RHOBTB2: variants seen among roughly 807,000 people sequenced by gnomAD.
RHOBTB2 encodes the protein Rho related BTB domain containing 2.
A neutral mutation model predicts 66.5 loss-of-function variants in RHOBTB2; 39 were observed. The ratio of observed to expected loss-of-function variants is 0.59; its 90% CI spans 0.45 to 0.77. The LOEUF (loss-of-function observed/expected upper bound fraction) is 0.77, where lower values mean the gene tolerates loss of function less well. Among genes scored for constraint, RHOBTB2 ranks in the 30% least tolerant of loss-of-function variants. The pLI is 0.00. For synonymous variants in RHOBTB2, 390 were observed against 395.0 expected, an observed-to-expected ratio of 0.99 and a Z score of 0.15; for missense variants, 755 against 999.1, an observed-to-expected ratio of 0.76 and a Z score of 3.29.
intron 1 of RHOBTB2, among the ~76,000 whole-genome samples, chr8:23,000,573 T>A (rs1290122226): frequency 1.3e-5 from 2 of 152,182 alleles, no homozygotes; most frequent in Non-Finnish European, 2.9e-5. Flanking sequence ...TGGCGGTGTT[T>A]GGTGATGTGT....
At chr8:22,977,791 T>C in the RHOBTB2 span, 5 of 152,062 alleles carry the variant, frequency 3.3e-5, no homozygotes, top group Admixed American at 1.3e-4. Context: ...CTAGATAATA[T>C]TGGGGAATTT....
intron 6 of RHOBTB2, 121 bp from the exon 7 acceptor site, chr8:23,010,417 G>C (rs1429659900): frequency 1.1e-5 from 13 of 1,131,208 alleles, no homozygotes; most frequent in Non-Finnish European, 1.5e-5. Flanking sequence ...GCAGCACAGG[G>C]AAGGCTGCCC....
the RHOBTB2 span, among the ~76,000 whole-genome samples, chr8:22,975,142 G>A: frequency 0.084 from 12,716 of 151,850 alleles, 1,778 homozygotes; most frequent in African/African-American, 0.29. Context: ...TCCCCCTGGC[G>A]CATCACATGT....
At position 23,007,265 on chromosome 8, in the gene RHOBTB2, C is replaced by G; in HGVS notation, c.1020C>G (p.Leu340=). The change falls in exon 5 of 10, where the codon CTC becomes CTG. Residue 340 remains leucine (L), a synonymous_variant. Transcript: ENST00000251822. ...HHHHHGRDFL[L]RAASFDVCES... ...ACCACCATGGGCGAGACTTCCTGCT[C>G]CGAGCAGCCAGCTTTGACGTGTGCG... 1 of 1,613,052 alleles carries G rather than the reference C, an allele frequency of 6.2e-7. No homozygotes were observed. Among genetic ancestry groups the G allele is most frequent in the Non-Finnish European group, 8.5e-7 (1 of 1,179,968 alleles).
the RHOBTB2 span, among the ~76,000 whole-genome samples, chr8:22,969,438 A>C: frequency 1.3e-5 from 2 of 152,234 alleles, no homozygotes; most frequent in Non-Finnish European, 2.9e-5. Context: ...ATAAACCAAT[A>C]AGAACAAAAG....
At chr8:22,967,361 C>T in the RHOBTB2 span, among the ~76,000 whole-genome samples, 2 of 152,044 alleles carry the variant, frequency 1.3e-5, no homozygotes. Context: ...GTAATCCCAG[C>T]ACTTTGGGAG....
In RHOBTB2 at chr8:23,004,053, C is replaced by T. The variant is rs1810868346; in HGVS notation, c.-10-372C>T. The T allele has an allele frequency of 3.1e-6, 1 of 322,054 alleles. No individual in the cohort carries two copies. The highest frequency in any genetic ancestry group is 2.9e-5 in the South Asian group (1 of 35,024). The allele number at this position is 322,054 out of a possible 1,614,324, so 19.9% of individuals were successfully genotyped here. A position where few individuals can be genotyped will look rare whatever the true frequency, so the allele number is the denominator to read the frequency against. ...TTGTTGTTCTGCTGCCACTGCTCTGCCGGGGAAGGAGGAGGAGAGCAGATG... is the reference window on the plus strand; with the variant it reads ...TTGTTGTTCTGCTGCCACTGCTCTGTCGGGGAAGGAGGAGGAGAGCAGATG... On this transcript the variant is annotated intron_variant, in intron 1 of 9. Transcript: ENST00000251822. This position sits in a 1 kb window ranked among gnomAD's most constrained non-coding sequence, Gnocchi z 6.4.
chr8:22,952,561 G>A, the RHOBTB2 span, among the ~76,000 whole-genome samples: 1 of 152,132 alleles, frequency 6.6e-6, no homozygotes, highest in Non-Finnish European at 1.5e-5. Flanking sequence ...AGGATATAAG[G>A]CAGAGTGACA....
At chr8:22,969,621 A>G in the RHOBTB2 span, among the ~76,000 whole-genome samples, 1 of 152,228 alleles carries the variant, frequency 6.6e-6, no homozygotes, top group Non-Finnish European at 1.5e-5. Context: ...TGTTTATATA[A>G]TTTAACCGAG....
At position 23,004,803 on chromosome 8, in the gene RHOBTB2, C is replaced by G. The variant is rs2128803465; in HGVS notation, c.192+177C>G. 1.6e-6 allele frequency: 1 copy of G among 635,398 alleles called. No individual in the cohort carries two copies. Among genetic ancestry groups the G allele is most frequent in the East Asian group, 2.7e-5 (1 of 36,416 alleles). The allele number at this position is 635,398 out of a possible 1,614,324, so 39.4% of individuals were successfully genotyped here. On this transcript the variant is annotated intron_variant, in intron 2 of 9. Transcript: ENST00000251822. This position sits in a 1 kb window ranked among gnomAD's most constrained non-coding sequence, Gnocchi z 6.4. ...TGGAGAGAGGTTTAAGCCAAGTCTG[C>G]CCCAGGGAAGTGTCTCTGGCTGGTT...
At chr8:22,978,841 G>A in the RHOBTB2 span, among the ~76,000 whole-genome samples, 4 of 152,016 alleles carry the variant, frequency 2.6e-5, no homozygotes, top group East Asian at 7.7e-4. Flanking sequence ...TTGGTATTCA[G>A]ATGTTGAAAT....
chr8:23,017,167 C>T lies in RHOBTB2; in HGVS notation c.1967-85C>T. The T allele has an allele frequency of 6.4e-7, 1 of 1,552,442 alleles. No homozygotes were observed. The highest frequency in any genetic ancestry group is 8.8e-7 in the Non-Finnish European group (1 of 1,138,264). ...GGCTGGGCTGGAGGCCTGCTGCAGG[C>T]CTTGTGGTGGGGTAGGGCTGGTGTC... On this transcript the variant is annotated intron_variant, in intron 9 of 9. Transcript: ENST00000251822. The surrounding 1 kb of genome is among the most constrained non-coding windows in gnomAD (Gnocchi z 5.3).
At chr8:23,014,987 G>C (rs115570625) in intron 8 of RHOBTB2, among the ~76,000 whole-genome samples, 1 of 152,128 alleles carries the variant, frequency 6.6e-6, no homozygotes, top group African/African-American at 2.4e-5. Flanking sequence ...CTGACCAAGT[G>C]GGGAAGGGAT....
chr8:23,016,189 G>T (rs1349613984), intron 9 of RHOBTB2, among the ~76,000 whole-genome samples: 3 of 152,062 alleles, frequency 2.0e-5, no homozygotes, highest in Admixed American at 6.6e-5. Flanking sequence ...GTCTCTTCTT[G>T]ATTAATTTCT....
At chr8:22,979,742 C>CTT in the RHOBTB2 span, among the ~76,000 whole-genome samples, 42 of 84,108 alleles carry the variant, frequency 5.0e-4, 1 homozygote, top group African/African-American at 1.3e-3. Context: ...TCTTTTCTTT[C>CTT]TTTTTTTTTT....
chr8:22,977,072 T>C, the RHOBTB2 span, among the ~76,000 whole-genome samples: 1 of 152,106 alleles, frequency 6.6e-6, no homozygotes, highest in Non-Finnish European at 1.5e-5. Context: ...CTGGCCAACA[T>C]AGCAAGACAC....
the RHOBTB2 span, among the ~76,000 whole-genome samples, chr8:22,960,480 G>A: frequency 1.4e-4 from 22 of 151,780 alleles, no homozygotes; most frequent in African/African-American, 4.6e-4. Context: ...CACCACGCCC[G>A]GCTAATTTTT....
the RHOBTB2 span, among the ~76,000 whole-genome samples, chr8:22,959,171 G>A: frequency 0.79 from 120,088 of 152,178 alleles, 47,518 homozygotes; most frequent in African/African-American, 0.83. Context: ...TTCTCCCTTC[G>A]CCGCACTACC....
chr8:22,993,183 G>A (rs970092166), intron 2 of RHOBTB2, among the ~76,000 whole-genome samples: 2 of 152,124 alleles, frequency 1.3e-5, no homozygotes, highest in African/African-American at 2.4e-5. Flanking sequence ...AGGGGAGAAT[G>A]TGTTCTTGCT....
Sources: gnomAD v4.1 joint callset for allele counts (sites outside exome capture counted in the v4.1 genomes callset) on GRCh38, gnomAD v4.1.1 for gene constraint, Gnocchi (gnomAD v3.1) non-coding constraint, MANE v1.5 for transcripts, NCBI Gene and HGNC (gene_info 2026-07-23, HGNC 2026-07-21) for gene names.